The following EXOG variants were observed in gnomAD, a reference collection of about 807,000 sequenced individuals.
EXOG encodes the protein nuclease EXOG, mitochondrial.
Under a neutral mutation model 25.8 loss-of-function variants are expected in EXOG, and 27 were observed. That is an observed-to-expected ratio of 1.05 (90% CI 0.77 to 1.45). EXOG has a LOEUF of 1.45. Ranked by LOEUF, EXOG falls within the 40% of genes most tolerant of loss-of-function variation. The probability of loss-of-function intolerance (pLI) is 0.00; values close to 1 mark genes in which losing one functional copy is unlikely to be tolerated. For missense variants in EXOG, 458 were observed against 450.5 expected (o/e 1.02, Z -0.15); for synonymous variants, 133 against 167.0 (o/e 0.80, Z 1.57).
rs962204032 is a variant in EXOG at position 38,519,026 on chromosome 3, G to A, written c.646-4875G>A. Among the ~76,000 whole-genome samples the A allele has an allele frequency of 2.0e-5, 3 of 152,214 alleles. No individual in the cohort carries two copies. In the South Asian group the frequency reaches 6.2e-4, roughly 32 times the overall value. On this transcript the variant is annotated intron_variant, in intron 5 of 5. Coordinates refer to ENST00000287675, the MANE Select transcript of EXOG (RefSeq NM_005107.4). ...AGGTTAGCAGATAATAAAAGATGGTGTGGATGGAGAGAGGAGTTACAAGTG... is the reference window on the plus strand; with the variant it reads ...AGGTTAGCAGATAATAAAAGATGGTATGGATGGAGAGAGGAGTTACAAGTG...
intron 5 of EXOG, among the ~76,000 whole-genome samples, chr3:38,517,289 T>C (rs2060575166): frequency 6.6e-6 from 1 of 152,260 alleles, no homozygotes; most frequent in Non-Finnish European, 1.5e-5. Context: ...AGAGTTTTAA[T>C]GTTTACTGTG....
intron 1 of EXOG, 121 bp from the exon 2 acceptor site, chr3:38,497,508 G>C: frequency 7.2e-7 from 1 of 1,396,330 alleles, no homozygotes; most frequent in Non-Finnish European, 9.2e-7. Context: ...TTCTGAGCCA[G>C]TCCTTTGTAA....
chr3:38,508,877 C>T (rs747809015), intron 5 of EXOG, among the ~76,000 whole-genome samples: 1 of 152,116 alleles, frequency 6.6e-6, no homozygotes, highest in Non-Finnish European at 1.5e-5. Flanking sequence ...AAAATTATGA[C>T]CCAACTACTT....
At position 38,525,374 on chromosome 3, in the gene EXOG, A is replaced by G. The variant is rs2060844962; in HGVS notation, c.*1012A>G. 3.0e-6 allele frequency: 3 copies of G among 985,340 alleles called. No homozygotes were observed. Among genetic ancestry groups the G allele is most frequent in the South Asian group, 9.4e-5 (2 of 21,284 alleles). 61.0% of individuals were successfully genotyped at this position (985,340 alleles called of 1,614,324 possible). ...GAAATATATACCTATTTCCATGGGT[A>G]TTTGTGGGCCTGAGGCATGCTTGGC... On this transcript the variant is annotated 3_prime_UTR_variant, in exon 6 of 6. Transcript: ENST00000287675.
chr3:38,518,812 C>A (rs2051214), intron 5 of EXOG, among the ~76,000 whole-genome samples: 58,772 of 151,982 alleles, frequency 0.39, 11,489 homozygotes, highest in Middle Eastern at 0.47. Flanking sequence ...AAAGTAGTGA[C>A]CATTTTCTTT....
At chr3:38,501,598 A>C in intron 3 of EXOG, 104 bp downstream of exon 3, 1 of 909,724 alleles carries the variant, frequency 1.1e-6, no homozygotes, top group Non-Finnish European at 1.7e-6. Flanking sequence ...AAACTTGAGA[A>C]TTTCCATACT....
chr3:38,517,327 C>T (rs2060576307), intron 5 of EXOG, among the ~76,000 whole-genome samples: 1 of 152,134 alleles, frequency 6.6e-6, no homozygotes, highest in Non-Finnish European at 1.5e-5. Flanking sequence ...TCAAATTGCC[C>T]CAGATTTAGC....
rs1373428386 is a variant in EXOG, at chr3:38,514,767, C to A, written c.645+7799C>A. Among the ~76,000 whole-genome samples, 8 of 120,450 alleles carry A rather than the reference C, an allele frequency of 6.6e-5. No individual in the cohort carries two copies. The South Asian group carries it at 8.1e-4, about 12-fold the overall frequency. The allele number at this position is 120,450 out of a possible 152,430, so 79.0% of individuals were successfully genotyped here. A position where few individuals can be genotyped will look rare whatever the true frequency, so the allele number is the denominator to read the frequency against. On this transcript the variant is annotated intron_variant, in intron 5 of 5. Coordinates refer to ENST00000287675, the MANE Select transcript of EXOG (RefSeq NM_005107.4). Reference sequence around the variant, plus strand: ...AAATCCCTCTTTTCCACCCTCCCCCCCCTCCCCCTGCTTTTTTTTTTGAGA... The same window carrying A: ...AAATCCCTCTTTTCCACCCTCCCCCACCTCCCCCTGCTTTTTTTTTTGAGA...
intron 1 of EXOG, chr3:38,497,074 A>G: frequency 4.7e-6 from 4 of 859,132 alleles, no homozygotes; most frequent in Non-Finnish European, 5.4e-6. Flanking sequence ...CTTATATTTG[A>G]CAAAAAAAAA....
chr3:38,522,437 G>A (rs1348431161), intron 5 of EXOG, among the ~76,000 whole-genome samples: 1 of 152,242 alleles, frequency 6.6e-6, no homozygotes, highest in Non-Finnish European at 1.5e-5. Context: ...GTTGGATTAT[G>A]TCAGTTATTG....
rs892859383 is a variant in EXOG at position 38,525,449 on chromosome 3, G to A, written c.*1087G>A. 2 of 985,250 alleles carry A rather than the reference G, an allele frequency of 2.0e-6. No individual in the cohort carries two copies. The highest frequency in any genetic ancestry group is 1.1e-4 in the East Asian group (1 of 8,832). The allele number at this position is 985,250 out of a possible 1,614,324, so 61.0% of individuals were successfully genotyped here. ...CTATGCAAGCCAAAGGGACTTTAAT[G>A]TTCTTTGAATTGAACCCTCCTTAGC... is the stretch of plus-strand genomic sequence containing the variant. On this transcript the variant is annotated 3_prime_UTR_variant, in exon 6 of 6. Transcript: ENST00000287675.
chr3:38,524,271 C>A lies in EXOG; in HGVS notation c.1016C>A (p.Pro339Gln). 6.2e-7 allele frequency: 1 copy of A among 1,614,086 alleles called. No homozygotes were observed. The highest frequency in any genetic ancestry group is 8.5e-7 in the Non-Finnish European group (1 of 1,179,980). Reference protein sequence around the residue: ...MENLKNAEIEPDDYFMSRYEK... With the variant: ...MENLKNAEIEQDDYFMSRYEK... ...AACTTGAAGAATGCAGAGATTGAAC[C>A]AGATGATTACTTTATGAGTCGCTAT... The change falls in exon 6 of 6, where the codon CCA (proline) becomes CAA (glutamine). Residue 339 changes from proline to glutamine, a missense_variant. Pro to Gln is a moderately conservative substitution (Grantham distance 76). This residue lies in a region of EXOG where 178 missense variants were observed against 203.7 expected (regional missense o/e 0.87). Coordinates refer to ENST00000287675, the MANE Select transcript of EXOG (RefSeq NM_005107.4).
chr3:38,497,842 CA>C (rs1287072906), intron 2 of EXOG, 64 bp downstream of exon 2: 1 of 1,531,198 alleles, frequency 6.5e-7, no homozygotes, highest in Non-Finnish European at 8.8e-7. Flanking sequence ...AAATTTAAAA[CA>C]GGGATGATTA....
intron 5 of EXOG, chr3:38,515,407 C>T: frequency 6.4e-6 from 1 of 157,376 alleles, no homozygotes; most frequent in South Asian, 2.0e-4. Flanking sequence ...GAAGGGGCAG[C>T]CAGCTCACAG....
chr3:38,526,061 C>A lies in EXOG; in HGVS notation c.*1699C>A, dbSNP rs2060862108. ...AGGCCAAAGGTCCAAAGGCATTTAG[C>A]ATTCCTAGGGGAAATTGTGGCTGTT... On this transcript the variant is annotated 3_prime_UTR_variant, in exon 6 of 6. Coordinates refer to ENST00000287675, the MANE Select transcript of EXOG (RefSeq NM_005107.4). The A allele has an allele frequency of 1.0e-6, 1 of 985,308 alleles. No homozygotes were observed. The highest frequency in any genetic ancestry group is 1.7e-5 in the African/African-American group (1 of 57,248). The allele number at this position is 985,308 out of a possible 1,614,324, so 61.0% of individuals were successfully genotyped here.
chr3:38,516,396 T>G (rs1174697635), intron 5 of EXOG, among the ~76,000 whole-genome samples: 3 of 152,156 alleles, frequency 2.0e-5, no homozygotes, highest in African/African-American at 4.8e-5. Context: ...AATTTCAAAT[T>G]TATAGAAAGG....
intron 4 of EXOG, 79 bp from the exon 5 acceptor site, chr3:38,506,775 C>T: frequency 1.7e-6 from 1 of 602,052 alleles, no homozygotes; most frequent in Non-Finnish European, 2.9e-6. Context: ...TGGTATCTTT[C>T]ATAGGAATTG....
At chr3:38,498,729 G>A (rs186551311) in intron 2 of EXOG, 20 of 297,944 alleles carry the variant, frequency 6.7e-5, no homozygotes, top group African/African-American at 4.4e-5. Context: ...TTGCATCTTC[G>A]GAGGCCCCCA....
In EXOG at chr3:38,524,002, T is replaced by C. The variant is rs2060804950; in HGVS notation, c.747T>C (p.Phe249=). ...VSTEPLALGA[F]VVPNEAIGFQ... is the part of the protein sequence containing the mutation. ...CCGAACCACTGGCGCTAGGGGCCTT[T>C]GTGGTACCCAATGAAGCCATCGGCT... Residue 249 remains phenylalanine (F), a synonymous_variant, in exon 6 of 6, where the codon TTT becomes TTC. Coordinates refer to ENST00000287675, the MANE Select transcript of EXOG (RefSeq NM_005107.4). The C allele has an allele frequency of 6.2e-7, 1 of 1,613,974 alleles. No homozygotes were observed. The highest frequency in any genetic ancestry group is 1.7e-5 in the Admixed American group (1 of 60,002).
Sources: allele counts gnomAD v4.1 joint callset (sites outside exome capture counted in the v4.1 genomes callset), GRCh38; gene constraint gnomAD v4.1.1; regional missense constraint gnomAD v4.1.1; transcripts MANE v1.5; gene names NCBI Gene and HGNC (gene_info 2026-07-23, HGNC 2026-07-21).